CRISPLD1: variants seen among roughly 807,000 people sequenced by gnomAD.
CRISPLD1 encodes cysteine-rich secretory protein LCCL domain-containing 1.
CRISPLD1 carries 60 observed loss-of-function variants against 77.5 expected under a neutral mutation model. The ratio of observed to expected loss-of-function variants is 0.77; its 90% CI spans 0.63 to 0.96. CRISPLD1 has a LOEUF of 0.96. Among genes scored for constraint, CRISPLD1 ranks in the 40% least tolerant of loss-of-function variants. The pLI is 0.00. For missense variants in CRISPLD1, 623 were observed against 615.8 expected, an observed-to-expected ratio of 1.01 and a Z score of -0.12; for synonymous variants, 195 against 200.1, an observed-to-expected ratio of 0.97 and a Z score of 0.22.
intron 2 of CRISPLD1, among the ~76,000 whole-genome samples, chr8:74,991,224 G>C (rs1812568433): frequency 6.6e-6 from 1 of 152,008 alleles, no homozygotes; most frequent in Non-Finnish European, 1.5e-5. Context: ...CCAAACTCCT[G>C]GTCTGAAGTG....
chr8:75,000,134 A>G (rs1389867939), intron 2 of CRISPLD1: 5 of 984,968 alleles, frequency 5.1e-6, no homozygotes, highest in Non-Finnish European at 6.0e-6. Flanking sequence ...TAGCAACTCA[A>G]ACAATACAAA....
At position 75,034,008 on chromosome 8, in the gene CRISPLD1, A is replaced by G. The variant is rs1200111082; in HGVS notation, c.*1766A>G. ...TTCTGTCAGTATAAGGTTTTCTTCT[A>G]TTTGCCCTTAGTTTAGATCTCCATC... On this transcript the variant is annotated 3_prime_UTR_variant, in exon 15 of 15. Transcript: ENST00000262207. The G allele has an allele frequency of 2.0e-5, 3 of 151,906 alleles. No homozygotes were observed. Among genetic ancestry groups the G allele is most frequent in the African/African-American group, 7.2e-5 (3 of 41,396 alleles). The allele number at this position is 151,906 out of a possible 1,614,324, so 9.4% of individuals were successfully genotyped here.
At chr8:75,028,399 A>G (rs1200376312) in intron 13 of CRISPLD1, among the ~76,000 whole-genome samples, 1 of 152,168 alleles carries the variant, frequency 6.6e-6, no homozygotes, top group African/African-American at 2.4e-5. Flanking sequence ...GTGCATAGAG[A>G]TAAGAAAAGA....
rs140029232 is a variant in CRISPLD1 at position 75,014,014 on chromosome 8, G to A, written c.538G>A (p.Gly180Ser). Residue 180 changes from glycine to serine, a missense_variant, in exon 5 of 15, where the codon GGT becomes AGT. Physicochemically the swap from Gly to Ser is moderately conservative, Grantham distance 56 (BLOSUM62 0). Transcript: ENST00000262207. ...QVVWATSNRI[G>S]CAINLCHNMN... ...CGTGTGGGCAACTAGTAACAGAATC[G>A]GTTGTGCCATTAATTTGTGTCATAA... is the stretch of plus-strand genomic sequence containing the variant. 6.8e-6 allele frequency: 11 copies of A among 1,612,724 alleles called. No homozygotes were observed. The African/African-American group carries it at 9.4e-5, about 14-fold the overall frequency.
At chr8:75,002,299 A>C (rs1002199091) in intron 2 of CRISPLD1, among the ~76,000 whole-genome samples, 2 of 150,282 alleles carry the variant, frequency 1.3e-5, no homozygotes, top group Admixed American at 6.7e-5. Flanking sequence ...GAGACAGGAT[A>C]CATTAATTAC....
At chr8:74,992,162 A>G (rs921189490) in intron 2 of CRISPLD1, among the ~76,000 whole-genome samples, 1 of 152,206 alleles carries the variant, frequency 6.6e-6, no homozygotes, top group Non-Finnish European at 1.5e-5. Flanking sequence ...ATATGAAACA[A>G]ATATGGAGGA....
At chr8:75,028,047 T>C (rs1813263460) in intron 13 of CRISPLD1, among the ~76,000 whole-genome samples, 1 of 152,184 alleles carries the variant, frequency 6.6e-6, no homozygotes, top group Admixed American at 6.5e-5. Flanking sequence ...TAAGCACTTT[T>C]GTTGCCTTGG....
chr8:75,032,328 G>T lies in CRISPLD1; in HGVS notation c.*86G>T. ...TATAAAACTGTAACATTACTGTACA[G>T]AGTACATCAACTATTTTCAGCCCAA... On this transcript the variant is annotated 3_prime_UTR_variant, in exon 15 of 15. Transcript: ENST00000262207. The T allele has an allele frequency of 1.0e-6, 1 of 959,560 alleles. No homozygotes were observed. Among genetic ancestry groups the T allele is most frequent in the South Asian group, 2.1e-5 (1 of 47,688 alleles). The allele number at this position is 959,560 out of a possible 1,614,324, so 59.4% of individuals were successfully genotyped here. A position where few individuals can be genotyped will look rare whatever the true frequency, so the allele number is the denominator to read the frequency against.
chr8:75,010,699 C>T (rs1812913926), intron 2 of CRISPLD1, among the ~76,000 whole-genome samples: 1 of 152,132 alleles, frequency 6.6e-6, no homozygotes, highest in East Asian at 1.9e-4. Flanking sequence ...ATTAGTTTTT[C>T]TGTAACCTCT....
intron 13 of CRISPLD1, among the ~76,000 whole-genome samples, chr8:75,028,657 AT>A (rs900603525): frequency 6.6e-6 from 1 of 152,146 alleles, no homozygotes; most frequent in African/African-American, 2.4e-5. Context: ...TGAAACAACA[AT>A]TTTCTTCTCC....
intron 2 of CRISPLD1, among the ~76,000 whole-genome samples, chr8:75,009,871 A>G (rs554943368): frequency 3.3e-5 from 5 of 152,138 alleles, no homozygotes; most frequent in Non-Finnish European, 7.4e-5. Flanking sequence ...AACTTGAATT[A>G]TACTTTTGTA....
chr8:75,014,074 G>C lies in CRISPLD1; in HGVS notation c.598G>C (p.Val200Leu). ...CTGGGGGCAGATATGGCCCAAAGCT[G>C]TCTACCTGGTGTGCAATTACTCCCC... Reference protein sequence around the residue: ...NIWGQIWPKAVYLVCNYSPKG... With the variant: ...NIWGQIWPKALYLVCNYSPKG... The change falls in exon 5 of 15, where the codon GTC (valine) becomes CTC (leucine). Residue 200 changes from valine to leucine, a missense_variant. Physicochemically the swap from Val to Leu is conservative, Grantham distance 32 (BLOSUM62 1). Transcript: ENST00000262207. The C allele has an allele frequency of 6.2e-7, 1 of 1,612,436 alleles. No individual in the cohort carries two copies. The highest frequency in any genetic ancestry group is 8.5e-7 in the Non-Finnish European group (1 of 1,178,794).
intron 2 of CRISPLD1, among the ~76,000 whole-genome samples, chr8:75,002,655 T>A (rs1812765359): frequency 6.6e-6 from 1 of 151,820 alleles, no homozygotes; most frequent in African/African-American, 2.4e-5. Flanking sequence ...CCAGTCTCCA[T>A]CACGGTGAGG....
At chr8:75,024,266 G>A (rs1245679908) in intron 12 of CRISPLD1, among the ~76,000 whole-genome samples, 1 of 152,190 alleles carries the variant, frequency 6.6e-6, no homozygotes, top group Non-Finnish European at 1.5e-5. Context: ...GAATGTGATG[G>A]AAGCCACTGG....
intron 12 of CRISPLD1, among the ~76,000 whole-genome samples, chr8:75,023,354 A>G (rs562910707): frequency 4.0e-4 from 61 of 152,296 alleles, no homozygotes; most frequent in African/African-American, 1.4e-3. Context: ...GCAGTTCTCA[A>G]ATACAGTAAG....
rs765422953 is a variant in CRISPLD1, at chr8:75,032,160, T to C, written c.1452-31T>C. The C allele has an allele frequency of 1.1e-5, 16 of 1,485,302 alleles. No individual in the cohort carries two copies. The South Asian group carries it at 1.4e-4, about 13-fold the overall frequency. The allele number at this position is 1,485,302 out of a possible 1,614,324, so 92.0% of individuals were successfully genotyped here. On this transcript the variant is annotated intron_variant, in intron 14 of 14. Transcript: ENST00000262207. ...GGATTATGTATAGAGATGACATCAA[T>C]ATACTTTTCATATATTTTTTTTTTT...
intron 5 of CRISPLD1, 55 bp downstream of exon 5, chr8:75,014,157 T>C (rs1812986466): frequency 9.2e-7 from 1 of 1,082,962 alleles, no homozygotes; most frequent in Admixed American, 1.8e-5. Flanking sequence ...AAAATGAAAA[T>C]ACCTTTACGT....
intron 2 of CRISPLD1, among the ~76,000 whole-genome samples, chr8:75,002,651 T>TC (rs1227349171): frequency 2.6e-5 from 4 of 151,784 alleles, no homozygotes; most frequent in African/African-American, 9.7e-5. Context: ...GGACCCAGTC[T>TC]CCATCACGGT....
chr8:75,025,673 T>TAC (rs753536543), intron 13 of CRISPLD1, 52 bp downstream of exon 13: 26 of 936,140 alleles, frequency 2.8e-5, no homozygotes, highest in South Asian at 2.8e-5. Flanking sequence ...TATATAAATG[T>TAC]ATAGACACAT....
Sources: gnomAD v4.1 joint callset for allele counts (sites outside exome capture counted in the v4.1 genomes callset) on GRCh38, gnomAD v4.1.1 for gene constraint, MANE v1.5 for transcripts, NCBI Gene and HGNC (gene_info 2026-07-23, HGNC 2026-07-21) for gene names.